Variants in RARB observed in about 807,000 individuals in gnomAD.
The protein encoded by RARB is retinoic acid receptor beta, also known as HBV-activated protein.
In RARB, 17 loss-of-function variants were observed where a neutral mutation model predicts 51.9. That is an observed-to-expected ratio of 0.33 (90% CI 0.22 to 0.49). RARB has a LOEUF of 0.49. Ranked by LOEUF, RARB falls within the 20% of genes least tolerant of loss-of-function variation. The probability of loss-of-function intolerance (pLI) is 0.99; values close to 1 mark genes in which losing one functional copy is unlikely to be tolerated. For missense variants in RARB, 369 were observed against 550.8 expected, an observed-to-expected ratio of 0.67 and a Z score of 3.30; for synonymous variants, 215 against 195.4, an observed-to-expected ratio of 1.10 and a Z score of -0.84.
rs146738375 is a variant in RARB, at chr3:25,339,832, A to G, written c.179-121361A>G. Among the ~76,000 whole-genome samples the G allele has an allele frequency of 2.4e-3, 363 of 152,260 alleles. 1 individual carries two copies. The highest frequency in any genetic ancestry group is 4.3e-3 in the Non-Finnish European group (290 of 68,008). On this transcript the variant is annotated intron_variant, in intron 5 of 11. Coordinates refer to the RARB transcript ENST00000383772. ...CATATACTGCAATGCTTGGAAACCTATTCATTTTCTGGGAAAAGATCATCC... is the reference window on the plus strand; with the variant it reads ...CATATACTGCAATGCTTGGAAACCTGTTCATTTTCTGGGAAAAGATCATCC...
At chr3:24,935,683 A>G (rs1210115765) in intron 2 of RARB, among the ~76,000 whole-genome samples, 4 of 152,202 alleles carry the variant, frequency 2.6e-5, no homozygotes, top group Admixed American at 2.0e-4. Context: ...ATGATGGGAA[A>G]TCGGTGGAGT....
At chr3:24,879,737 G>A (rs1188659958) in intron 2 of RARB, among the ~76,000 whole-genome samples, 1 of 152,120 alleles carries the variant, frequency 6.6e-6, no homozygotes, top group Non-Finnish European at 1.5e-5. Context: ...CTTAAATACT[G>A]TAAACCTGTG....
chr3:24,871,522 G>T (rs1355350127), intron 2 of RARB, among the ~76,000 whole-genome samples: 2 of 151,992 alleles, frequency 1.3e-5, no homozygotes, highest in Non-Finnish European at 2.9e-5. Context: ...AAAATCTATA[G>T]ATTGAATGTC....
intron 5 of RARB, among the ~76,000 whole-genome samples, chr3:25,253,229 A>C (rs1011783679): frequency 6.6e-6 from 1 of 152,124 alleles, no homozygotes; most frequent in Non-Finnish European, 1.5e-5. Context: ...TTTGATACAC[A>C]TGTGTTTTTT....
chr3:25,314,132 T>A (rs1704360167), intron 5 of RARB, among the ~76,000 whole-genome samples: 2 of 152,040 alleles, frequency 1.3e-5, no homozygotes, highest in African/African-American at 2.4e-5. Context: ...CTTAAAAATT[T>A]ACTCCAAATT....
intron 3 of RARB, among the ~76,000 whole-genome samples, chr3:25,075,185 G>C (rs980572387): frequency 6.6e-6 from 1 of 152,128 alleles, no homozygotes; most frequent in Non-Finnish European, 1.5e-5. Flanking sequence ...GACACTTGAC[G>C]TAAAATTGCA....
chr3:24,829,511 A>C (rs1250814844), intron 1 of RARB, among the ~76,000 whole-genome samples: 1 of 149,688 alleles, frequency 6.7e-6, no homozygotes, highest in Non-Finnish European at 1.5e-5. Flanking sequence ...GGGCATTTGC[A>C]TGGCATCCAG....
In RARB at chr3:25,156,516, C is replaced by CAAAAAAAAAAAA. The variant is rs35710364; in HGVS notation, c.-279-17583_-279-17572dup. Among the ~76,000 whole-genome samples, 3 of 56,812 alleles carry CAAAAAAAAAAAA rather than the reference C, an allele frequency of 5.3e-5. 1 individual carries two copies. The highest frequency in any genetic ancestry group is 5.3e-4 in the Admixed American group (2 of 3,740). The allele number at this position is 56,812 out of a possible 152,430, so 37.3% of individuals were successfully genotyped here. On this transcript the variant is annotated intron_variant, in intron 4 of 11. Coordinates refer to the RARB transcript ENST00000383772. The stretch of plus-strand genomic sequence containing the variant: ...ATCACACAAATTCTAGCCCCAACTG[C>CAAAAAAAAAAAA]AAAAAAAAAAAAAAAAAAAAAAAAA...
chr3:25,355,598 T>C (rs1315805197), intron 5 of RARB, among the ~76,000 whole-genome samples: 1 of 152,118 alleles, frequency 6.6e-6, no homozygotes, highest in Non-Finnish European at 1.5e-5. Flanking sequence ...AAAATTGTCA[T>C]TATTCTATAG....
chr3:25,233,221 A>G (rs1702223415), intron 5 of RARB, among the ~76,000 whole-genome samples: 1 of 151,822 alleles, frequency 6.6e-6, no homozygotes, highest in Non-Finnish European at 1.5e-5. Flanking sequence ...AGCCCCCAAA[A>G]GTGCTAGGAT....
intron 5 of RARB, among the ~76,000 whole-genome samples, chr3:25,205,132 C>T (rs1026350823): frequency 6.6e-6 from 1 of 152,132 alleles, no homozygotes; most frequent in Non-Finnish European, 1.5e-5. Context: ...TGGCGGGTGC[C>T]CCTCCCCCAG....
intron 5 of RARB, among the ~76,000 whole-genome samples, chr3:25,199,950 G>A (rs1049942991): frequency 2.0e-5 from 3 of 152,006 alleles, no homozygotes; most frequent in African/African-American, 7.3e-5. Context: ...TAATCCTTTG[G>A]GTATACGCCC....
rs151209324 is a variant in RARB at position 25,282,993 on chromosome 3, A to G, written c.178+108418A>G. The stretch of plus-strand genomic sequence containing the variant: ...CCAACTCTTTGTCACTGGACATTGT[A>G]AGAACACGGAGGAGCGACACTGTCT... On this transcript the variant is annotated intron_variant, in intron 5 of 11. Coordinates refer to the RARB transcript ENST00000383772. 1.2e-4 allele frequency among the ~76,000 whole-genome samples: 19 copies of G among 152,340 alleles called. No homozygotes were observed. The East Asian group carries it at 3.7e-3, about 29-fold the overall frequency.
rs530984307 is a variant in RARB, at chr3:25,108,170, A to G, written c.-327-23991A>G. Among the ~76,000 whole-genome samples, 94 of 152,312 alleles carry G rather than the reference A, an allele frequency of 6.2e-4. 1 individual carries two copies. Among genetic ancestry groups the G allele is most frequent in the East Asian group, 2.7e-3 (14 of 5,184 alleles). ...AAGATTTCCACATACTACTCAGTCCACAACTGAAAATTATAGATTGCTTAT... is the reference window on the plus strand; with the variant it reads ...AAGATTTCCACATACTACTCAGTCCGCAACTGAAAATTATAGATTGCTTAT... On this transcript the variant is annotated intron_variant, in intron 3 of 11. Transcript: ENST00000383772.
At chr3:24,953,140 G>A (rs1695936833) in intron 2 of RARB, among the ~76,000 whole-genome samples, 3 of 152,100 alleles carry the variant, frequency 2.0e-5, no homozygotes, top group Admixed American at 2.0e-4. Flanking sequence ...AGATAAAAGA[G>A]TTCATGGACA....
intron 3 of RARB, among the ~76,000 whole-genome samples, chr3:25,093,834 A>G (rs1481998451): frequency 2.0e-5 from 3 of 152,124 alleles, no homozygotes; most frequent in Non-Finnish European, 4.4e-5. Flanking sequence ...CACCCAACCA[A>G]TTGGCAACAA....
intron 5 of RARB, among the ~76,000 whole-genome samples, chr3:25,288,060 A>G (rs1703699249): frequency 6.6e-6 from 1 of 152,170 alleles, no homozygotes; most frequent in Admixed American, 6.5e-5. Flanking sequence ...TAGCATGTTC[A>G]TACAATTTAA....
chr3:25,402,955 G>A (rs910067761), intron 5 of RARB, among the ~76,000 whole-genome samples: 1 of 152,080 alleles, frequency 6.6e-6, no homozygotes, highest in African/African-American at 2.4e-5. Context: ...ATGAGGTCAG[G>A]AGTTCGAGAC....
At chr3:25,261,100 C>T (rs570839933) in intron 5 of RARB, among the ~76,000 whole-genome samples, 1 of 152,042 alleles carries the variant, frequency 6.6e-6, no homozygotes, top group Non-Finnish European at 1.5e-5. Context: ...CACTGGGTTT[C>T]TGGTAGGGAG....
Sources: gnomAD v4.1 joint callset for allele counts (sites outside exome capture counted in the v4.1 genomes callset) on GRCh38, gnomAD v4.1.1 for gene constraint, MANE v1.5 for transcripts, NCBI Gene and HGNC (gene_info 2026-07-23, HGNC 2026-07-21) for gene names.